Variants in COL22A1 observed in about 807,000 individuals in gnomAD.
The protein encoded by COL22A1 is collagen alpha-1(XXII) chain.
In COL22A1, 221 loss-of-function variants were observed where a neutral mutation model predicts 248.9. That is an observed-to-expected ratio of 0.89 (90% CI 0.80 to 0.99). The LOEUF (loss-of-function observed/expected upper bound fraction) is 0.99, where lower values mean the gene tolerates loss of function less well. COL22A1 is among the 50% of genes least tolerant of loss of function. COL22A1 has a pLI of 0.00. For synonymous variants in COL22A1, 891 were observed against 793.4 expected (o/e 1.12, Z -2.07); for missense variants, 2,240 against 2,179.0 (o/e 1.03, Z -0.56).
chr8:138,833,372 A>C (rs1270099129), intron 4 of COL22A1, among the ~76,000 whole-genome samples: 4 of 152,262 alleles, frequency 2.6e-5, no homozygotes, highest in Non-Finnish European at 5.9e-5. Flanking sequence ...GCAGGAGAAC[A>C]CAGACAACTG....
At chr8:138,819,931 G>A (rs540717792) in intron 7 of COL22A1, among the ~76,000 whole-genome samples, 6 of 152,064 alleles carry the variant, frequency 3.9e-5, no homozygotes, top group Non-Finnish European at 8.8e-5. Context: ...GACAGCTGTT[G>A]CTTACATTTT....
intron 22 of COL22A1, among the ~76,000 whole-genome samples, chr8:138,739,352 T>G (rs1175611237): frequency 2.0e-5 from 3 of 152,176 alleles, no homozygotes; most frequent in Non-Finnish European, 4.4e-5. Flanking sequence ...CTGGGTTTGT[T>G]CCCCAGGTAT....
At chr8:138,779,446 G>T in intron 14 of COL22A1, 63 bp downstream of exon 14, 1 of 1,159,532 alleles carries the variant, frequency 8.6e-7, no homozygotes, top group Non-Finnish European at 1.3e-6. Flanking sequence ...TAAAGCAACT[G>T]GCTTTGCACT....
intron 3 of COL22A1, among the ~76,000 whole-genome samples, chr8:138,853,806 G>A (rs962289054): frequency 1.3e-5 from 2 of 152,194 alleles, no homozygotes; most frequent in African/African-American, 4.8e-5. Context: ...TCTCAGAAGG[G>A]AAGACGAACA....
intron 10 of COL22A1, among the ~76,000 whole-genome samples, chr8:138,806,290 G>T (rs1410536203): frequency 1.3e-5 from 2 of 151,006 alleles, no homozygotes; most frequent in East Asian, 3.9e-4. Flanking sequence ...GTGTTTGATG[G>T]TGTGTGTGTG....
chr8:138,716,377 C>G (rs1377285432), intron 28 of COL22A1, 88 bp from the exon 29 acceptor site: 2 of 865,974 alleles, frequency 2.3e-6, no homozygotes, highest in African/African-American at 1.7e-5. Context: ...TTCCTGCTCT[C>G]CAGGAACTGG....
chr8:138,806,974 G>A (rs1817780227), intron 10 of COL22A1, among the ~76,000 whole-genome samples: 2 of 152,164 alleles, frequency 1.3e-5, no homozygotes, highest in Admixed American at 1.3e-4. Context: ...TTGACCTCAG[G>A]GCCTGGCCCT....
intron 16 of COL22A1, among the ~76,000 whole-genome samples, chr8:138,773,537 T>G (rs1834569904): frequency 8.5e-5 from 13 of 152,232 alleles, no homozygotes; most frequent in Admixed American, 8.5e-4. Context: ...ATTCATTTAT[T>G]GATTTAGCAA....
At chr8:138,705,509 G>T (rs1828353276) in intron 30 of COL22A1, among the ~76,000 whole-genome samples, 1 of 152,010 alleles carries the variant, frequency 6.6e-6, no homozygotes, top group African/African-American at 2.4e-5. Context: ...TTTCAACCCA[G>T]AATTTCATAT....
chr8:138,596,853 C>T (rs1817575342), intron 62 of COL22A1, 51 bp downstream of exon 62: 1 of 1,543,248 alleles, frequency 6.5e-7, no homozygotes. Flanking sequence ...AGTGAGAGAA[C>T]TGCTTCCTGG....
chr8:138,756,792 A>G (rs1246766872), intron 18 of COL22A1, among the ~76,000 whole-genome samples: 1 of 152,090 alleles, frequency 6.6e-6, no homozygotes, highest in Non-Finnish European at 1.5e-5. Context: ...ACCAAAATGG[A>G]TACATTTACA....
chr8:138,772,334 TG>T (rs1834439811), intron 16 of COL22A1, among the ~76,000 whole-genome samples: 1 of 152,000 alleles, frequency 6.6e-6, no homozygotes. Flanking sequence ...CATATGTGTG[TG>T]GGGGTGGGTG....
intron 12 of COL22A1, among the ~76,000 whole-genome samples, chr8:138,791,039 C>T (rs1395252755): frequency 6.6e-6 from 1 of 152,192 alleles, no homozygotes; most frequent in Non-Finnish European, 1.5e-5. Flanking sequence ...ACAATGAAAT[C>T]AATCCCATGA....
chr8:138,826,475 C>G (rs1819588436), intron 6 of COL22A1, among the ~76,000 whole-genome samples, 183 bp downstream of exon 6: 1 of 152,150 alleles, frequency 6.6e-6, no homozygotes, highest in Non-Finnish European at 1.5e-5. Flanking sequence ...GGACAAGAAG[C>G]TAGACCTCTT....
rs577445938 is a variant in COL22A1 at position 138,689,023 on chromosome 8, T to A, written c.2809-53A>T. ...TGAATTTAAAGATGACTGGTCACTC[T>A]TGGTGGCTCGTGACCCCCAGGGAAG... On this transcript the variant is annotated intron_variant, in intron 36 of 64. Transcript: ENST00000303045. 147 of 1,478,016 alleles carry A rather than the reference T, an allele frequency of 9.9e-5. No homozygotes were observed. The East Asian group carries it at 3.1e-3, about 31-fold the overall frequency. The allele number at this position is 1,478,016 out of a possible 1,614,324, so 91.6% of individuals were successfully genotyped here.
intron 1 of COL22A1, among the ~76,000 whole-genome samples, chr8:138,903,976 A>G (rs2132173254): frequency 6.6e-6 from 1 of 152,248 alleles, no homozygotes; most frequent in East Asian, 1.9e-4. Context: ...GCTTCCCTGG[A>G]GCCCCTGCAC....
At chr8:138,737,403 TTAA>T (rs1831205933) in intron 23 of COL22A1, 118 bp downstream of exon 23, 6 of 728,252 alleles carry the variant, frequency 8.2e-6, no homozygotes, top group Middle Eastern at 2.7e-4. Flanking sequence ...GCTGTTCTTT[TTAA>T]TAGTTTGATG....
intron 38 of COL22A1, among the ~76,000 whole-genome samples, chr8:138,684,852 G>A (rs10093704): frequency 0.011 from 1,638 of 152,298 alleles, 29 homozygotes; most frequent in African/African-American, 0.038. Context: ...ATGATTCTAC[G>A]TTTGGAAGTC....
intron 1 of COL22A1, among the ~76,000 whole-genome samples, chr8:138,897,531 G>C (rs1452845173): frequency 1.4e-5 from 2 of 147,748 alleles, no homozygotes; most frequent in African/African-American, 5.0e-5. Context: ...CCTAGTGACA[G>C]AGCGAGACTC....
Sources: allele counts gnomAD v4.1 joint callset (sites outside exome capture counted in the v4.1 genomes callset), GRCh38; gene constraint gnomAD v4.1.1; transcripts MANE v1.5; gene names NCBI Gene and HGNC (gene_info 2026-07-23, HGNC 2026-07-21).